The following LRRTM4 variants were observed in gnomAD, a reference collection of about 807,000 sequenced individuals.
LRRTM4 encodes the protein leucine rich repeat transmembrane neuronal 4, also known as leucine-rich repeat transmembrane neuronal protein 4.
LRRTM4 carries 25 observed loss-of-function variants against 47.6 expected under a neutral mutation model. The ratio of observed to expected loss-of-function variants is 0.53; its 90% CI spans 0.38 to 0.73. The LOEUF is 0.73. Among genes scored for constraint, LRRTM4 ranks in the 30% least tolerant of loss-of-function variants. LRRTM4 has a pLI of 0.00. For missense variants in LRRTM4, 638 were observed against 713.4 expected, an observed-to-expected ratio of 0.89 and a Z score of 1.20; for synonymous variants, 311 against 269.5, an observed-to-expected ratio of 1.15 and a Z score of -1.51.
intron 3 of LRRTM4, among the ~76,000 whole-genome samples, chr2:77,024,493 A>AT (rs1227348622): frequency 2.2e-4 from 31 of 142,464 alleles, no homozygotes; most frequent in Admixed American, 8.4e-4. Flanking sequence ...AGGGTCTAGA[A>AT]TTAAAAAAAA....
chr2:77,308,055 TATCTATATATCTATATAACATATATAG>T (rs1167547321), intron 3 of LRRTM4, among the ~76,000 whole-genome samples: 1 of 142,404 alleles, frequency 7.0e-6, no homozygotes, highest in African/African-American at 2.5e-5. Context: ...TAACATTATA[TATCTATATATCTATATAACATATATAG>T]ATATATAGAT....
At chr2:76,804,598 C>A (rs11126571) in intron 3 of LRRTM4, among the ~76,000 whole-genome samples, 1 of 149,048 alleles carries the variant, frequency 6.7e-6, no homozygotes, top group East Asian at 2.0e-4. Flanking sequence ...GTACAAGATA[C>A]TATGCATACT....
At chr2:77,212,324 A>G (rs1674314805) in intron 3 of LRRTM4, among the ~76,000 whole-genome samples, 1 of 149,880 alleles carries the variant, frequency 6.7e-6, no homozygotes, top group East Asian at 1.9e-4. Flanking sequence ...AAAGTGGTTT[A>G]TAATTTGTGT....
chr2:77,012,466 C>T (rs941583045), intron 3 of LRRTM4, among the ~76,000 whole-genome samples: 3 of 152,084 alleles, frequency 2.0e-5, no homozygotes, highest in Non-Finnish European at 2.9e-5. Flanking sequence ...TAACTCAAAA[C>T]TAAAGACACA....
At chr2:77,376,676 A>C (rs2439567) in intron 3 of LRRTM4, among the ~76,000 whole-genome samples, 70,486 of 151,560 alleles carry the variant, frequency 0.47, 17,426 homozygotes, top group East Asian at 0.86. Flanking sequence ...AGGAGGCTGC[A>C]GAGGTAAAGT....
chr2:76,957,648 G>A (rs1202214426), intron 3 of LRRTM4, among the ~76,000 whole-genome samples: 2 of 151,548 alleles, frequency 1.3e-5, no homozygotes, highest in Admixed American at 1.3e-4. Flanking sequence ...GTCCTCTTAT[G>A]ATAGTGCCAA....
chr2:77,477,911 G>GAA (rs1227621199), intron 3 of LRRTM4, among the ~76,000 whole-genome samples: 20 of 23,644 alleles, frequency 8.5e-4, no homozygotes, highest in African/African-American at 2.8e-3. Context: ...GAAAAAGAAA[G>GAA]AAAGAAAGAA....
chr2:76,925,131 C>T (rs1674549250), intron 3 of LRRTM4, among the ~76,000 whole-genome samples: 1 of 152,112 alleles, frequency 6.6e-6, no homozygotes, highest in South Asian at 2.1e-4. Context: ...TACCAGCTGG[C>T]TTTTTGTTAA....
chr2:77,224,700 A>C (rs1395429325), intron 3 of LRRTM4, among the ~76,000 whole-genome samples: 1 of 152,154 alleles, frequency 6.6e-6, no homozygotes, highest in Non-Finnish European at 1.5e-5. Context: ...ATCATTAAAA[A>C]GTCAGGAAAC....
intron 3 of LRRTM4, among the ~76,000 whole-genome samples, chr2:76,758,532 T>C (rs1673144468): frequency 6.6e-6 from 1 of 152,140 alleles, no homozygotes; most frequent in Non-Finnish European, 1.5e-5. Flanking sequence ...GTATTTTTAA[T>C]TACAAAAAGG....
At chr2:77,173,592 G>A (rs1673114189) in intron 3 of LRRTM4, among the ~76,000 whole-genome samples, 1 of 152,114 alleles carries the variant, frequency 6.6e-6, no homozygotes, top group Admixed American at 6.6e-5. Context: ...TCCTTCCACT[G>A]TATACTGTCC....
At chr2:77,503,647 G>A (rs13418152) in intron 3 of LRRTM4, among the ~76,000 whole-genome samples, 49,283 of 151,168 alleles carry the variant, frequency 0.33, 8,202 homozygotes, top group Middle Eastern at 0.35. Context: ...GAGACAGAGA[G>A]AGAATATGAT....
chr2:77,363,693 T>C (rs887300565), intron 3 of LRRTM4, among the ~76,000 whole-genome samples: 1 of 152,208 alleles, frequency 6.6e-6, no homozygotes, highest in East Asian at 1.9e-4. Context: ...TTTCTCATTA[T>C]CATGAAGTCC....
chr2:76,775,873 C>A lies in LRRTM4; in HGVS notation c.1552-26957G>T, dbSNP rs1322581566. Among the ~76,000 whole-genome samples, 8 of 152,196 alleles carry A rather than the reference C, an allele frequency of 5.3e-5. No homozygotes were observed. In the East Asian group the frequency reaches 1.4e-3, roughly 26 times the overall value. ...CTGCACCCACTAACTCGTCATCTAG[C>A]ATTAGGTATGTCTCCCAATGCTATC... On this transcript the variant is annotated intron_variant, in intron 3 of 3. Coordinates refer to ENST00000409884, the MANE Select transcript of LRRTM4 (RefSeq NM_001134745.3).
At chr2:77,224,033 C>G (rs1352932240) in intron 3 of LRRTM4, among the ~76,000 whole-genome samples, 1 of 151,426 alleles carries the variant, frequency 6.6e-6, no homozygotes, top group Non-Finnish European at 1.5e-5. Context: ...TGGAACAGAA[C>G]AGAGCCCTCA....
chr2:77,205,102 G>A (rs562963976), intron 3 of LRRTM4, among the ~76,000 whole-genome samples: 16 of 152,254 alleles, frequency 1.1e-4, no homozygotes, highest in African/African-American at 2.4e-4. Flanking sequence ...TTCCAGTGCC[G>A]GAAGAAGGCA....
chr2:77,420,430 G>T (rs1674829486), intron 3 of LRRTM4, among the ~76,000 whole-genome samples: 1 of 152,084 alleles, frequency 6.6e-6, no homozygotes, highest in African/African-American at 2.4e-5. Flanking sequence ...TTAATTAGCA[G>T]GAGGTTAGAA....
At chr2:76,910,784 C>T (rs1344626885) in intron 3 of LRRTM4, among the ~76,000 whole-genome samples, 1 of 152,180 alleles carries the variant, frequency 6.6e-6, no homozygotes, top group Non-Finnish European at 1.5e-5. Flanking sequence ...ATATCACTTT[C>T]TCTTCCAGTT....
chr2:77,421,617 G>A (rs547851051), intron 3 of LRRTM4, among the ~76,000 whole-genome samples: 1 of 152,138 alleles, frequency 6.6e-6, no homozygotes, highest in African/African-American at 2.4e-5. Context: ...TGAAGCAGGA[G>A]AATGGCGTGA....
Sources: allele counts gnomAD v4.1 joint callset (sites outside exome capture counted in the v4.1 genomes callset), GRCh38; gene constraint gnomAD v4.1.1; transcripts MANE v1.5; gene names NCBI Gene and HGNC (gene_info 2026-07-23, HGNC 2026-07-21).